Variants in SLC35D4 observed in about 807,000 individuals in gnomAD.
The protein encoded by SLC35D4 is solute carrier family 35 member D4.
the SLC35D4 span, among the ~76,000 whole-genome samples, chr18:23,317,016 T>G: frequency 3.3e-5 from 5 of 151,890 alleles, no homozygotes; most frequent in Admixed American, 6.6e-5. Flanking sequence ...AAAGGAAGAG[T>G]TGGAACTAAA....
the SLC35D4 span, among the ~76,000 whole-genome samples, chr18:23,263,997 G>A: frequency 6.6e-6 from 1 of 152,206 alleles, no homozygotes; most frequent in African/African-American, 2.4e-5. Flanking sequence ...ATGAACTCGA[G>A]CACCTATCAC....
the SLC35D4 span, among the ~76,000 whole-genome samples, chr18:23,242,275 T>G: frequency 6.6e-6 from 1 of 151,840 alleles, no homozygotes. Context: ...TGAAACTCTG[T>G]CTCAAAAAAA....
chr18:23,249,582 T>G, the SLC35D4 span, among the ~76,000 whole-genome samples: 1 of 152,142 alleles, frequency 6.6e-6, no homozygotes, highest in Non-Finnish European at 1.5e-5. Flanking sequence ...CTGATGAAAT[T>G]TTTCAGCGTC....
chr18:23,267,792 T>C, the SLC35D4 span, among the ~76,000 whole-genome samples: 1 of 152,262 alleles, frequency 6.6e-6, no homozygotes, highest in East Asian at 1.9e-4. Context: ...CTGTTGCCCA[T>C]CTTGTCACAC....
the SLC35D4 span, among the ~76,000 whole-genome samples, chr18:23,263,868 C>A: frequency 1.3e-5 from 2 of 152,214 alleles, no homozygotes; most frequent in African/African-American, 4.8e-5. Flanking sequence ...TGATTCACTG[C>A]CACTTGCAGA....
At chr18:23,409,292 C>T in the SLC35D4 span, among the ~76,000 whole-genome samples, 1 of 152,146 alleles carries the variant, frequency 6.6e-6, no homozygotes, top group Non-Finnish European at 1.5e-5. Context: ...TGTCTATATG[C>T]GCACATATGA....
the SLC35D4 span, chr18:23,370,171 C>T: frequency 6.5e-7 from 1 of 1,538,422 alleles, no homozygotes; most frequent in South Asian, 1.2e-5. Context: ...TGCACTCCAA[C>T]AAGAGCTAAA....
the SLC35D4 span, among the ~76,000 whole-genome samples, chr18:23,295,606 G>A: frequency 6.6e-6 from 1 of 152,102 alleles, no homozygotes; most frequent in East Asian, 1.9e-4. Flanking sequence ...ATGACAAGCA[G>A]AGACCAGGAA....
the SLC35D4 span, among the ~76,000 whole-genome samples, chr18:23,320,771 T>G: frequency 0.025 from 3,762 of 152,194 alleles, 51 homozygotes; most frequent in Middle Eastern, 0.058. Context: ...GGTGGATCTC[T>G]GCCTCCTCAT....
the SLC35D4 span, among the ~76,000 whole-genome samples, chr18:23,283,471 C>CAAAAAA: frequency 4.5e-5 from 2 of 44,408 alleles, no homozygotes; most frequent in Non-Finnish European, 4.3e-5. Flanking sequence ...GACCCAGTCT[C>CAAAAAA]AAAAAAAAAA....
At chr18:23,337,353 T>G in the SLC35D4 span, among the ~76,000 whole-genome samples, 1 of 151,830 alleles carries the variant, frequency 6.6e-6, no homozygotes, top group Non-Finnish European at 1.5e-5. Flanking sequence ...CGGGCACCTG[T>G]AGTCCCAGCT....
At chr18:23,360,947 C>T in the SLC35D4 span, among the ~76,000 whole-genome samples, 1 of 151,320 alleles carries the variant, frequency 6.6e-6, no homozygotes, top group South Asian at 2.1e-4. Flanking sequence ...ACTAAAAATA[C>T]AAAAATTAGC....
At chr18:23,365,142 G>T in the SLC35D4 span, among the ~76,000 whole-genome samples, 2 of 152,068 alleles carry the variant, frequency 1.3e-5, no homozygotes, top group African/African-American at 4.8e-5. Flanking sequence ...TCTGATGATG[G>T]GATTTGGGGT....
the SLC35D4 span, among the ~76,000 whole-genome samples, chr18:23,380,147 T>C: frequency 5.3e-5 from 8 of 152,086 alleles, no homozygotes; most frequent in Admixed American, 5.2e-4. Flanking sequence ...AATAAATAGC[T>C]GACATTCCTC....
the SLC35D4 span, among the ~76,000 whole-genome samples, chr18:23,345,412 G>A: frequency 6.7e-6 from 1 of 149,554 alleles, no homozygotes; most frequent in African/African-American, 2.5e-5. Context: ...AACTCGGGAG[G>A]TGGAGGTTGC....
the SLC35D4 span, among the ~76,000 whole-genome samples, chr18:23,413,430 C>T: frequency 1.3e-5 from 2 of 152,184 alleles, no homozygotes. Flanking sequence ...TCTCCTTCCC[C>T]ACCAGGTGGT....
chr18:23,389,324 C>CTAA, the SLC35D4 span, among the ~76,000 whole-genome samples: 19 of 152,248 alleles, frequency 1.2e-4, no homozygotes, highest in Admixed American at 4.6e-4. Context: ...TGAGAATGGA[C>CTAA]TAATACAGCT....
chr18:23,290,073 C>A, the SLC35D4 span, among the ~76,000 whole-genome samples: 3 of 152,192 alleles, frequency 2.0e-5, no homozygotes, highest in Non-Finnish European at 2.9e-5. Flanking sequence ...ATCAGAGGCC[C>A]CTGGAGAGTA....
chr18:23,309,693 C>T, the SLC35D4 span: 1 of 1,614,134 alleles, frequency 6.2e-7, no homozygotes, highest in East Asian at 2.2e-5. Flanking sequence ...CCCGTGGTTG[C>T]ACTGGTCAGG....
Sources: allele counts gnomAD v4.1 joint callset (sites outside exome capture counted in the v4.1 genomes callset), GRCh38; gene constraint gnomAD v4.1.1; transcripts MANE v1.5; gene names NCBI Gene and HGNC (gene_info 2026-07-23, HGNC 2026-07-21).